Variants in ABCB7 observed in about 807,000 individuals in gnomAD.
The protein encoded by ABCB7 is ATP binding cassette subfamily B member 7.
In ABCB7, 7 loss-of-function variants were observed where a neutral mutation model predicts 54.4. That is an observed-to-expected ratio of 0.13 (90% confidence interval 0.07 to 0.24). The LOEUF (loss-of-function observed/expected upper bound fraction) is 0.24, where lower values mean the gene tolerates loss of function less well. ABCB7 is among the 10% of genes least tolerant of loss of function. The pLI, the probability that ABCB7 is intolerant of heterozygous loss-of-function variation, is 1.00. For synonymous variants in ABCB7, 218 were observed against 207.1 expected, an observed-to-expected ratio of 1.05 and a Z score of -0.45; for missense variants, 356 against 570.4, an observed-to-expected ratio of 0.62 and a Z score of 3.83.
chrX:75,084,773 A>C (rs1273310545), intron 4 of ABCB7, among the ~76,000 whole-genome samples: 2 of 112,160 alleles, frequency 1.8e-5, no homozygotes, highest in Non-Finnish European at 3.8e-5. Flanking sequence ...AATTCACTAA[A>C]GTTGAGAGGA....
At chrX:75,088,173 G>A (rs2081514689) in intron 4 of ABCB7, among the ~76,000 whole-genome samples, 1 of 111,995 alleles carries the variant, frequency 8.9e-6, no homozygotes, top group Admixed American at 9.5e-5. Flanking sequence ...GACACCTACA[G>A]CTACAGCTAA....
intron 4 of ABCB7, among the ~76,000 whole-genome samples, chrX:75,079,147 C>T (rs1406269738): frequency 8.9e-6 from 1 of 111,925 alleles, no homozygotes; most frequent in African/African-American, 3.2e-5. Flanking sequence ...TGTAAGTGTT[C>T]AGGACGTGTG....
At chrX:75,078,156 C>G (rs540594815) in intron 4 of ABCB7, among the ~76,000 whole-genome samples, 2 of 110,047 alleles carry the variant, frequency 1.8e-5, no homozygotes, top group South Asian at 7.9e-4. Context: ...TTGTGATCCG[C>G]CCGCCTCGGC....
At chrX:75,070,093 C>T (rs1378518954) in intron 10 of ABCB7, among the ~76,000 whole-genome samples, 1 of 110,306 alleles carries the variant, frequency 9.1e-6, no homozygotes, top group Non-Finnish European at 1.9e-5. Context: ...AGGCTGGTCT[C>T]GAACTCTTGA....
intron 1 of ABCB7, among the ~76,000 whole-genome samples, chrX:75,133,591 G>C (rs1300682113): frequency 9.0e-6 from 1 of 111,589 alleles, no homozygotes; most frequent in Non-Finnish European, 1.9e-5. Context: ...AGATGGGGCA[G>C]GTCATCTACA....
intron 8 of ABCB7, among the ~76,000 whole-genome samples, chrX:75,072,489 T>A (rs1423565692): frequency 8.9e-6 from 1 of 111,905 alleles, no homozygotes; most frequent in Non-Finnish European, 1.9e-5. Flanking sequence ...CGTTACTATA[T>A]TGAATATTGT....
chrX:75,094,848 T>C (rs1016410361), intron 4 of ABCB7, among the ~76,000 whole-genome samples: 3 of 111,076 alleles, frequency 2.7e-5, no homozygotes, highest in South Asian at 3.8e-4. Flanking sequence ...TGAATACAAA[T>C]GGCACTTTGT....
rs372891558 is a variant in ABCB7 at position 75,053,377 on chromosome X, G to T, written c.2252C>A (p.Ser751Ter). 1 of 1,209,845 alleles carries T rather than the reference G, an allele frequency of 8.3e-7. No homozygotes were observed. The highest frequency in any genetic ancestry group is 1.1e-6 in the Non-Finnish European group (1 of 895,134). ...GAAAATGTCTTATGTGACTTAGCAC[G>T]AACAGTTTCCACAGCCTTTCACACT... ...VNSVKGCGNC[S>*]C The change falls in exon 16 of 16, where the codon TCG becomes TAG. Residue 751 changes from serine (S) to a stop codon, truncating the protein, a stop_gained. Coordinates refer to ENST00000373394, the MANE Select transcript of ABCB7 (RefSeq NM_001271696.3). LOFTEE classifies it high-confidence loss of function.
At chrX:75,152,722 C>T (rs6647647) in intron 1 of ABCB7, among the ~76,000 whole-genome samples, 13,516 of 107,758 alleles carry the variant, frequency 0.13, 1,549 homozygotes, top group East Asian at 0.9. Flanking sequence ...TACAGTGGCG[C>T]GATCTCGGCT....
intron 15 of ABCB7, 105 bp from the exon 16 acceptor site, chrX:75,053,690 C>A: frequency 9.2e-7 from 1 of 1,087,899 alleles, no homozygotes; most frequent in Admixed American, 2.7e-5. Flanking sequence ...GATTTGCATT[C>A]ATTAAAATAC....
At chrX:75,068,930 G>C (rs1309771389) in intron 12 of ABCB7, 77 bp downstream of exon 12, 1 of 1,082,696 alleles carries the variant, frequency 9.2e-7, no homozygotes, top group Non-Finnish European at 1.3e-6. Flanking sequence ...TTGATCCCTT[G>C]ATTCAAACTG....
rs757074347 is a variant in ABCB7, at chrX:75,104,047, G to GTTTTTTTTTTTTTTTTT, written c.334-5003_334-4987dup. Among the ~76,000 whole-genome samples, 24 of 13,440 alleles carry GTTTTTTTTTTTTTTTTT rather than the reference G, an allele frequency of 1.8e-3. 6 individuals carry two copies. The highest frequency in any genetic ancestry group is 0.014 in the East Asian group (2 of 139). The allele number at this position is 13,440 out of a possible 115,157, so 11.7% of individuals were successfully genotyped here. A position where few individuals can be genotyped will look rare whatever the true frequency, so the allele number is the denominator to read the frequency against. On this transcript the variant is annotated intron_variant, in intron 3 of 15. Transcript: ENST00000373394. ...AAATGGGCATCCCTGTCTTGTTACA[G>GTTTTTTTTTTTTTTTTT]TTTTTTTTTTTTTTTTTTTTTTTTT... is the stretch of plus-strand genomic sequence containing the variant.
rs755931845 is a variant in ABCB7, at chrX:75,075,395, G to C, written c.822C>G (p.Ile274Met). 22 of 1,209,570 alleles carry C rather than the reference G, an allele frequency of 1.8e-5. No individual in the cohort carries two copies. In the African/African-American group the frequency reaches 2.3e-4, roughly 12 times the overall value. Residue 274 changes from isoleucine (I) to methionine (M), a missense_variant, in exon 6 of 16, where the codon ATC (isoleucine) becomes ATG (methionine). Coordinates refer to ENST00000373394, the MANE Select transcript of ABCB7 (RefSeq NM_001271696.3). ...LSALVFNLLP[I>M]MFEVMLVSGV... Reference sequence around the variant, plus strand: ...CACTGACAAGCATCACTTCAAACATGATGGGAAGAAGATTAAATACCAAAG... The same window carrying C: ...CACTGACAAGCATCACTTCAAACATCATGGGAAGAAGATTAAATACCAAAG...
At chrX:75,126,598 A>T (rs753070087) in intron 1 of ABCB7, among the ~76,000 whole-genome samples, 1 of 111,241 alleles carries the variant, frequency 9.0e-6, no homozygotes, top group South Asian at 3.8e-4. Context: ...ATGCTTCAAA[A>T]AAAAAATCAA....
intron 1 of ABCB7, among the ~76,000 whole-genome samples, chrX:75,119,152 CTT>C (rs1408800044): frequency 8.9e-6 from 1 of 112,070 alleles, no homozygotes; most frequent in Non-Finnish European, 1.9e-5. Flanking sequence ...GTTCACATGA[CTT>C]AAGTAATCTT....
chrX:75,154,077 A>G (rs1476316871), intron 1 of ABCB7, among the ~76,000 whole-genome samples: 3 of 110,760 alleles, frequency 2.7e-5, no homozygotes, highest in Admixed American at 9.7e-5. Flanking sequence ...AAAACTTTGT[A>G]ATCATTCCTT....
intron 3 of ABCB7, among the ~76,000 whole-genome samples, chrX:75,105,884 G>A (rs2081695648): frequency 9.0e-6 from 1 of 111,643 alleles, no homozygotes; most frequent in Non-Finnish European, 1.9e-5. Context: ...AGTATATACT[G>A]GGGAAAGGAC....
At chrX:75,091,579 T>C (rs1352140950) in intron 4 of ABCB7, among the ~76,000 whole-genome samples, 1 of 110,353 alleles carries the variant, frequency 9.1e-6, no homozygotes, top group Non-Finnish European at 1.9e-5. Context: ...TCATAGCTAA[T>C]GCAATAAGAA....
rs911347644 is a variant in ABCB7 at position 75,057,964 on chromosome X, C to T, written c.2043+2259G>A. Among the ~76,000 whole-genome samples, 3 of 110,387 alleles carry T rather than the reference C, an allele frequency of 2.7e-5. No homozygotes were observed. In the Admixed American group the frequency reaches 2.9e-4, roughly 11 times the overall value. On this transcript the variant is annotated intron_variant, in intron 15 of 15. Coordinates refer to ENST00000373394, the MANE Select transcript of ABCB7 (RefSeq NM_001271696.3). ...AATCTCTCCCTTCATTGTTAATGTG[C>T]CTGGTGGTCTGCTTGTGTCCAAAGC...
Sources: allele counts gnomAD v4.1 joint callset (sites outside exome capture counted in the v4.1 genomes callset), GRCh38; gene constraint gnomAD v4.1.1; transcripts MANE v1.5; gene names NCBI Gene and HGNC (gene_info 2026-07-23, HGNC 2026-07-21).